Variants in RGPD1 observed in about 807,000 individuals in gnomAD.
RGPD1 encodes the protein RANBP2-like and GRIP domain-containing protein 1.
A neutral mutation model predicts 40.6 loss-of-function variants in RGPD1; 7 were observed. The observed-to-expected ratio is 0.17, with a 90% CI of 0.10 to 0.32. The LOEUF (loss-of-function observed/expected upper bound fraction) is 0.32. Among genes scored for constraint, RGPD1 ranks in the 10% least tolerant of loss-of-function variants. The probability of loss-of-function intolerance (pLI) is 1.00; values close to 1 mark genes in which losing one functional copy is unlikely to be tolerated. For missense variants in RGPD1, 50 were observed against 472.5 expected (o/e 0.11, Z 8.29); for synonymous variants, 24 against 167.0 (o/e 0.14, Z 6.60).
chr2:86,913,988 G>A lies in RGPD1; in HGVS notation c.72+67G>A, dbSNP rs534346783. ...GGCGGTGGCCTCGACCTGGCCGGGC[G>A]GCGGCGGCGGCCTCGGCCTCGGCCT... On this transcript the variant is annotated intron_variant, in intron 1 of 22. Coordinates refer to the RGPD1 transcript ENST00000398193. 19 of 940,484 alleles carry A rather than the reference G, an allele frequency of 2.0e-5. 1 individual carries two copies. The highest frequency in any genetic ancestry group is 2.2e-5 in the Non-Finnish European group (17 of 760,170). 58.3% of individuals were successfully genotyped at this position (940,484 alleles called of 1,614,324 possible).
chr2:86,914,664 GCGGCCTCGA>G (rs1677684127), intron 1 of RGPD1, among the ~76,000 whole-genome samples: 1 of 47,312 alleles, frequency 2.1e-5, no homozygotes, highest in Non-Finnish European at 4.3e-5. Context: ...GGCGGCGGCG[GCGGCCTCGA>G]CCTGGCCGGG....
intron 1 of RGPD1, among the ~76,000 whole-genome samples, chr2:86,920,104 C>T (rs1678037360): frequency 6.6e-6 from 1 of 151,954 alleles, no homozygotes; most frequent in Admixed American, 6.6e-5. Context: ...GGGTTTTGCT[C>T]TGTCGTCTAG....
chr2:86,956,707 A>G (rs1394335897), intron 4 of RGPD1, among the ~76,000 whole-genome samples: 1 of 114,428 alleles, frequency 8.7e-6, no homozygotes, highest in East Asian at 2.5e-4. Context: ...AGGGATCTGT[A>G]AGCAAACAGT....
intron 1 of RGPD1, among the ~76,000 whole-genome samples, chr2:86,943,268 C>G (rs1680053468): frequency 7.3e-6 from 1 of 137,268 alleles, no homozygotes; most frequent in Admixed American, 7.0e-5. Flanking sequence ...ATACTCACCT[C>G]CCTCGCCCCC....
chr2:86,954,756 C>A (rs1194175689), intron 4 of RGPD1, among the ~76,000 whole-genome samples: 2 of 150,418 alleles, frequency 1.3e-5, no homozygotes, highest in Admixed American at 6.7e-5. Context: ...GACATTGGTA[C>A]AATGTGTATG....
intron 1 of RGPD1, among the ~76,000 whole-genome samples, chr2:86,942,561 G>GGCCGGGCGGCGGCGGCCTCGACC (rs1558799770): frequency 2.3e-5 from 1 of 44,012 alleles, no homozygotes; most frequent in Non-Finnish European, 5.6e-5. Flanking sequence ...CGGCCTCGAC[G>GGCCGGGCGGCGGCGGCCTCGACC]TGGCCCGGCG....
chr2:86,929,389 C>A (rs1210117227), intron 1 of RGPD1, among the ~76,000 whole-genome samples: 3 of 151,904 alleles, frequency 2.0e-5, no homozygotes, highest in Admixed American at 2.0e-4. Flanking sequence ...ACACAGTGGC[C>A]CTGCTTCAGT....
At position 86,913,826 on chromosome 2, in the gene RGPD1, C is replaced by T. The variant is rs746182492; in HGVS notation, c.-24C>T. 5 of 1,560,112 alleles carry T rather than the reference C, an allele frequency of 3.2e-6. No individual in the cohort carries two copies. The Admixed American group carries it at 7.1e-5, about 22-fold the overall frequency. On this transcript the variant is annotated 5_prime_UTR_variant, in exon 1 of 23. Transcript: ENST00000398193. ...GGGGCTGAGCGCTGGTTTCACGCGT[C>T]TCGGGAGCCAGGTTGGCGGTGCGAT...
exon 1 of RGPD1, chr2:86,913,834 C>T (rs774055224): frequency 8.9e-6 from 14 of 1,568,366 alleles, no homozygotes; most frequent in Admixed American, 1.7e-5. Flanking sequence ...GTCTCGGGAG[C>T]CAGGTTGGCG....
intron 1 of RGPD1, among the ~76,000 whole-genome samples, chr2:86,943,632 G>A (rs1461921342): frequency 8.5e-5 from 13 of 152,134 alleles, no homozygotes; most frequent in Non-Finnish European, 1.8e-4. Flanking sequence ...GAATTTGATA[G>A]GATGATCCAT....
At position 86,913,877 on chromosome 2, in the gene RGPD1, C is replaced by T. The variant is rs199845090; in HGVS notation, c.28C>T (p.Arg10Trp). 3.5e-3 allele frequency: 5,552 copies of T among 1,578,358 alleles called. 262 individuals are homozygous for T. In the African/African-American group the frequency reaches 0.066, roughly 19 times the overall value. Residue 10 changes from arginine to tryptophan, a missense_variant, in exon 1 of 23, where the codon CGG becomes TGG. Arg to Trp is a moderately radical substitution (Grantham distance 101). Transcript: ENST00000398193. Reference sequence around the variant, plus strand: ...GAGGCGCAGCAAGGCCTACGGGGAGCGGTACCTCGCCTCGGTGCAGGGCTC... The same window carrying T: ...GAGGCGCAGCAAGGCCTACGGGGAGTGGTACCTCGCCTCGGTGCAGGGCTC...
At chr2:87,000,265 C>A (rs1245397995) in intron 22 of RGPD1, among the ~76,000 whole-genome samples, 1 of 137,042 alleles carries the variant, frequency 7.3e-6, no homozygotes, top group East Asian at 2.0e-4. Context: ...TTCAATACAA[C>A]AATGATATTA....
rs1679842851 is a variant in RGPD1 at position 86,942,236 on chromosome 2, G to C, written c.-1G>C. 1 of 1,604,752 alleles carries C rather than the reference G, an allele frequency of 6.2e-7. No individual in the cohort carries two copies. Among genetic ancestry groups the C allele is most frequent in the Non-Finnish European group, 8.5e-7 (1 of 1,176,744 alleles). ...GTCTCGGGAGCCAGGTTGGCGGTGC[G>C]ATGAGGCGCAGCAAGGCCTACGGGG... On this transcript the variant is annotated 5_prime_UTR_variant, in exon 1 of 23. Coordinates refer to ENST00000641458, the MANE Select transcript of RGPD1 (RefSeq NM_001382344.1).
chr2:86,938,708 C>T (rs1409042523), upstream of RGPD1, among the ~76,000 whole-genome samples: 2 of 147,978 alleles, frequency 1.4e-5, no homozygotes, highest in Admixed American at 6.7e-5. Flanking sequence ...TGTTACATCC[C>T]AGCCTTTGTA....
chr2:86,942,348 C>CGGCAGCCTCGACCTGGCG (rs1558799170), intron 1 of RGPD1, 40 bp downstream of exon 1: 1 of 806,612 alleles, frequency 1.2e-6, no homozygotes, highest in South Asian at 2.6e-5. Flanking sequence ...TCGACCTGGC[C>CGGCAGCCTCGACCTGGCG]GGGCGGCGGC....
intron 6 of RGPD1, among the ~76,000 whole-genome samples, chr2:86,962,487 G>A (rs553311658): frequency 0.014 from 1,172 of 86,342 alleles, 72 homozygotes; most frequent in Middle Eastern, 0.041. Flanking sequence ...CAGCCCAGGC[G>A]ATAGTGAGAG....
rs1678714711 is a variant in RGPD1 at position 86,929,125 on chromosome 2, T to C, written c.72+15204T>C. ...AAAGCATTTAAGGCTTGACTTGTGC[T>C]CTACGCTCCACAGTCTTATCGTTCA... On this transcript the variant is annotated intron_variant, in intron 1 of 22. Coordinates refer to the RGPD1 transcript ENST00000398193. Among the ~76,000 whole-genome samples the C allele has an allele frequency of 2.1e-5, 3 of 145,644 alleles. No homozygotes were observed. In the South Asian group the frequency reaches 6.9e-4, roughly 34 times the overall value.
rs532894753 is a variant in RGPD1 at position 86,943,311 on chromosome 2, C to T, written c.72+1003C>T. On this transcript the variant is annotated intron_variant, in intron 1 of 22. Coordinates refer to ENST00000641458, the MANE Select transcript of RGPD1 (RefSeq NM_001382344.1). ...CCCGCCCAGAACACTTTGGTAGCTGCCTTTGCTTAAAAAAAAAAAAATTCT... is the reference window on the plus strand; with the variant it reads ...CCCGCCCAGAACACTTTGGTAGCTGTCTTTGCTTAAAAAAAAAAAAATTCT... Among the ~76,000 whole-genome samples, 507 of 128,712 alleles carry T rather than the reference C, an allele frequency of 3.9e-3. 1 individual carries two copies. Among genetic ancestry groups the T allele is most frequent in the Non-Finnish European group, 6.5e-3 (407 of 62,162 alleles). 84.4% of individuals were successfully genotyped at this position (128,712 alleles called of 152,430 possible). A position where few individuals can be genotyped will look rare whatever the true frequency, so the allele number is the denominator to read the frequency against.
At chr2:86,947,875 G>C (rs562732753) in intron 1 of RGPD1, among the ~76,000 whole-genome samples, 2 of 113,804 alleles carry the variant, frequency 1.8e-5, no homozygotes, top group Admixed American at 8.5e-5. Flanking sequence ...AGGATTTTAG[G>C]GGGAGGGAGA....
Sources: gnomAD v4.1 joint callset for allele counts (sites outside exome capture counted in the v4.1 genomes callset) on GRCh38, gnomAD v4.1.1 for gene constraint, MANE v1.5 for transcripts, NCBI Gene and HGNC (gene_info 2026-07-23, HGNC 2026-07-21) for gene names.